Variants in UTRN observed in about 807,000 individuals in gnomAD.
The protein encoded by UTRN is utrophin.
UTRN carries 283 observed loss-of-function variants against 463.9 expected under a neutral mutation model. That is an observed-to-expected ratio of 0.61 (90% CI 0.55 to 0.67). The LOEUF (loss-of-function observed/expected upper bound fraction) is 0.67. UTRN is among the 30% of genes least tolerant of loss of function. The pLI, the probability that UTRN is intolerant of heterozygous loss-of-function variation, is 0.00. For missense variants in UTRN, 3,922 were observed against 4,084.3 expected (o/e 0.96, Z 1.08); for synonymous variants, 1,442 against 1,431.5 (o/e 1.01, Z -0.17).
In UTRN at chr6:144,358,907, AAT is replaced by A. The variant is rs1278783210; in HGVS notation, c.80-44214_80-44213del. Among the ~76,000 whole-genome samples, 6 of 152,202 alleles carry A rather than the reference AAT, an allele frequency of 3.9e-5. No homozygotes were observed. In the East Asian group the frequency reaches 1.2e-3, roughly 29 times the overall value. ...TCTAGTCTTTATACTCATACTTAAA[AAT>A]AATTGGAATTATGTAATATTTCTAA... On this transcript the variant is annotated intron_variant, in intron 2 of 74. Transcript: ENST00000367545.
In UTRN at chr6:144,522,166, C is replaced by T; in HGVS notation, c.5728C>T (p.Leu1910=). The T allele has an allele frequency of 6.5e-7, 1 of 1,539,458 alleles. No individual in the cohort carries two copies. The highest frequency in any genetic ancestry group is 8.7e-7 in the Non-Finnish European group (1 of 1,144,142). ...YEDFSFQEDS[L]KNIKDQLDKL... is the part of the protein sequence containing the mutation. Reference sequence around the variant, plus strand: ...AGACTTCTCTTTTCAGGAAGACTCTCTGAAGGTAGACCTCTGGGCACTGTG... The same window carrying T: ...AGACTTCTCTTTTCAGGAAGACTCTTTGAAGGTAGACCTCTGGGCACTGTG... The change falls in exon 40 of 75, where the codon CTG becomes TTG. Residue 1910 remains leucine (L), a synonymous_variant. Transcript: ENST00000367545.
intron 61 of UTRN, among the ~76,000 whole-genome samples, chr6:144,786,699 T>C (rs1025856698): frequency 6.6e-6 from 1 of 152,214 alleles, no homozygotes; most frequent in African/African-American, 2.4e-5. Context: ...ATACCTTCTA[T>C]GTCTGATTTT....
chr6:144,416,229 A>ACC (rs1784353972), intron 3 of UTRN, among the ~76,000 whole-genome samples: 1 of 152,108 alleles, frequency 6.6e-6, no homozygotes, highest in Non-Finnish European at 1.5e-5. Flanking sequence ...TGTAGACAAG[A>ACC]TCTATTTGTT....
In UTRN at chr6:144,821,034, A is replaced by T; in HGVS notation, c.9494+16A>T. On this transcript the variant is annotated intron_variant, in intron 66 of 74. Transcript: ENST00000367545. ...ACTTAGAGACGTAAGTTTGATTTTAATATTAAATCTAGTGTGAACATTTAT... is the reference window on the plus strand; with the variant it reads ...ACTTAGAGACGTAAGTTTGATTTTATTATTAAATCTAGTGTGAACATTTAT... 1 of 1,611,288 alleles carries T rather than the reference A, an allele frequency of 6.2e-7. No homozygotes were observed.
intron 51 of UTRN, among the ~76,000 whole-genome samples, chr6:144,635,811 G>T (rs1038187062): frequency 6.6e-6 from 1 of 151,910 alleles, no homozygotes; most frequent in Non-Finnish European, 1.5e-5. Flanking sequence ...AGTTCTGGGA[G>T]TACAGGTGTG....
At chr6:144,424,352 T>A in intron 6 of UTRN, among the ~76,000 whole-genome samples, 1 of 152,194 alleles carries the variant, frequency 6.6e-6, no homozygotes, top group Non-Finnish European at 1.5e-5. Context: ...TGTGATAACA[T>A]AGCTCCAGTG....
intron 43 of UTRN, among the ~76,000 whole-genome samples, chr6:144,535,736 G>T (rs1797471447): frequency 6.6e-6 from 1 of 152,156 alleles, no homozygotes; most frequent in African/African-American, 2.4e-5. Context: ...TTTGTATTGA[G>T]TGCCTGTAGT....
chr6:144,685,745 TAGATTCTGGATATCAATTCTTTGTTGGG>T lies in UTRN; in HGVS notation c.7652+7196_7652+7223del, dbSNP rs547289490. On this transcript the variant is annotated intron_variant, in intron 52 of 74. Coordinates refer to ENST00000367545, the MANE Select transcript of UTRN (RefSeq NM_007124.3). ...TGTTCTTGCTAATTTGAGTTCCTTG[TAGATTCTGGATATCAATTCTTTGTTGGG>T]AGATTCTGGATATCAATTCTTTGTT... Among the ~76,000 whole-genome samples, 1,473 of 152,280 alleles carry T rather than the reference TAGATTCTGGATATCAATTCTTTGTTGGG, an allele frequency of 9.7e-3. 24 individuals carry two copies. Among genetic ancestry groups the T allele is most frequent in the African/African-American group, 0.034 (1,406 of 41,562 alleles).
intron 2 of UTRN, among the ~76,000 whole-genome samples, chr6:144,359,154 A>G (rs73592858): frequency 0.028 from 4,233 of 152,286 alleles, 183 homozygotes; most frequent in African/African-American, 0.095. Flanking sequence ...GGATTATATG[A>G]GGGGATAGAT....
intron 64 of UTRN, among the ~76,000 whole-genome samples, chr6:144,799,078 C>T (rs1252495966): frequency 6.6e-6 from 1 of 152,156 alleles, no homozygotes; most frequent in Non-Finnish European, 1.5e-5. Context: ...GATCAAGTAC[C>T]AATACGGTGA....
At chr6:144,395,271 A>G (rs190722219) in intron 2 of UTRN, among the ~76,000 whole-genome samples, 306 of 152,248 alleles carry the variant, frequency 2.0e-3, no homozygotes, top group African/African-American at 7.2e-3. Context: ...TTTAATGAAA[A>G]TCTTCACTCC....
intron 47 of UTRN, among the ~76,000 whole-genome samples, chr6:144,549,144 T>C (rs1798681668): frequency 6.6e-6 from 1 of 152,252 alleles, no homozygotes; most frequent in Non-Finnish European, 1.5e-5. Flanking sequence ...AAGCTGGCGT[T>C]AGCATTTCAT....
intron 2 of UTRN, among the ~76,000 whole-genome samples, chr6:144,323,990 A>G (rs1478679829): frequency 1.3e-5 from 2 of 152,216 alleles, no homozygotes; most frequent in African/African-American, 4.8e-5. Flanking sequence ...TCACCATATT[A>G]CTATCAACAA....
At chr6:144,532,874 G>T (rs1016030416) in intron 42 of UTRN, among the ~76,000 whole-genome samples, 1 of 152,162 alleles carries the variant, frequency 6.6e-6, no homozygotes, top group Non-Finnish European at 1.5e-5. Context: ...ATTCATGAAG[G>T]TGGGTTAGAT....
intron 74 of UTRN, among the ~76,000 whole-genome samples, chr6:144,850,612 T>C (rs531145905): frequency 1.3e-5 from 2 of 152,204 alleles, no homozygotes; most frequent in South Asian, 4.1e-4. Context: ...ATCAAGATGG[T>C]TGGCATTGTT....
At chr6:144,574,637 G>A (rs901267943) in intron 50 of UTRN, among the ~76,000 whole-genome samples, 9 of 152,176 alleles carry the variant, frequency 5.9e-5, no homozygotes, top group Non-Finnish European at 1.5e-5. Context: ...CTGGGGTGCA[G>A]TGGCACAATC....
intron 50 of UTRN, among the ~76,000 whole-genome samples, chr6:144,565,276 G>A (rs1800300852): frequency 6.6e-6 from 1 of 152,182 alleles, no homozygotes; most frequent in African/African-American, 2.4e-5. Context: ...AAAATTGCAA[G>A]TTGGATTTTG....
intron 65 of UTRN, among the ~76,000 whole-genome samples, chr6:144,810,014 G>T (rs1265377940): frequency 6.6e-6 from 1 of 152,142 alleles, no homozygotes; most frequent in Non-Finnish European, 1.5e-5. Flanking sequence ...TAGGTTTGAT[G>T]AAGAGTGGAC....
intron 23 of UTRN, among the ~76,000 whole-genome samples, chr6:144,466,122 C>T (rs1183958136): frequency 1.3e-5 from 2 of 152,192 alleles, no homozygotes; most frequent in Admixed American, 6.5e-5. Flanking sequence ...AATCATTTTC[C>T]CCCACACTGT....
Sources: gnomAD v4.1 joint callset for allele counts (sites outside exome capture counted in the v4.1 genomes callset) on GRCh38, gnomAD v4.1.1 for gene constraint, MANE v1.5 for transcripts, NCBI Gene and HGNC (gene_info 2026-07-23, HGNC 2026-07-21) for gene names.